ZNF17: variants seen among roughly 807,000 people sequenced by gnomAD.
The protein encoded by ZNF17 is zinc finger protein 17.
ZNF17 carries 4 observed loss-of-function variants against 7.7 expected under a neutral mutation model. That is an observed-to-expected ratio of 0.52 (90% CI 0.26 to 1.20). The LOEUF (loss-of-function observed/expected upper bound fraction) is 1.20, where lower values mean the gene tolerates loss of function less well. Ranked by LOEUF, ZNF17 falls within the 50% of genes most tolerant of loss-of-function variation. The pLI is 0.14. For synonymous variants in ZNF17, 249 were observed against 258.8 expected (o/e 0.96, Z 0.36); for missense variants, 738 against 799.5 (o/e 0.92, Z 0.93).
chr19:57,415,495 G>C (rs371664946), intron 2 of ZNF17, among the ~76,000 whole-genome samples: 1 of 152,092 alleles, frequency 6.6e-6, no homozygotes, highest in Non-Finnish European at 1.5e-5. Context: ...GATAGCCAGC[G>C]TGTACACCAT....
rs762777224 is a variant in ZNF17 at position 57,411,356 on chromosome 19, C to G, written c.-71C>G. ...GTCCAGGTCACTGCCGCTCCCGCCC[C>G]GCTCTTCCCTGGCTGTGCTGGCGGA... is the stretch of plus-strand genomic sequence containing the variant. On this transcript the variant is annotated 5_prime_UTR_variant, in exon 1 of 4. Coordinates refer to ENST00000307658, the MANE Select transcript of ZNF17 (RefSeq NM_001330617.2). 11 of 1,611,298 alleles carry G rather than the reference C, an allele frequency of 6.8e-6. No individual in the cohort carries two copies. Among genetic ancestry groups the G allele is most frequent in the Non-Finnish European group, 9.3e-6 (11 of 1,178,750 alleles).
intron 1 of ZNF17, among the ~76,000 whole-genome samples, chr19:57,412,008 G>A (rs1339536936): frequency 6.6e-6 from 1 of 152,222 alleles, no homozygotes; most frequent in Non-Finnish European, 1.5e-5. Context: ...GCAGGTTTCA[G>A]AGAGGATTAT....
chr19:57,411,518 T>C, intron 1 of ZNF17, 112 bp downstream of exon 1: 1 of 1,497,374 alleles, frequency 6.7e-7, no homozygotes, highest in South Asian at 1.3e-5. Context: ...AGCGTTCTTG[T>C]GTGGGGTACC....
Position 57,420,266 on chromosome 19 carries a change from A to C in ZNF17, c.780A>C (p.Lys260Asn). The C allele has an allele frequency of 6.2e-7, 1 of 1,614,116 alleles. No individual in the cohort carries two copies. Among genetic ancestry groups the C allele is most frequent in the Non-Finnish European group, 8.5e-7 (1 of 1,180,012 alleles). Residue 260 changes from lysine to asparagine, a missense_variant, in exon 4 of 4, where the codon AAA becomes AAC. By Grantham distance (94) the Lys-to-Asn change is moderately conservative. Transcript: ENST00000307658. ...CSECGKAFSL[K>N]YNVVQHQKIH... ...AATGTGGAAAAGCCTTCAGCCTCAA[A>C]TACAATGTTGTTCAACACCAGAAAA...
In ZNF17 at chr19:57,420,292, T is replaced by C. The variant is rs1232061956; in HGVS notation, c.806T>C (p.Ile269Thr). The part of the protein sequence containing the change: ...LKYNVVQHQK[I>T]HTGERPYECS... The stretch of plus-strand genomic sequence containing the variant: ...TACAATGTTGTTCAACACCAGAAAA[T>C]TCACACTGGAGAAAGGCCTTATGAG... The change falls in exon 4 of 4, where the codon ATT becomes ACT. Residue 269 changes from isoleucine (I) to threonine (T), a missense_variant. Around this residue, in one of 3 missense-constraint regions of ZNF17, gnomAD observed 616 missense variants for 663.9 expected, o/e 0.93. Coordinates refer to ENST00000307658, the MANE Select transcript of ZNF17 (RefSeq NM_001330617.2). 6.2e-7 allele frequency: 1 copy of C among 1,614,078 alleles called. No individual in the cohort carries two copies.
rs1318064854 is a variant in ZNF17, at chr19:57,421,057, G to A, written c.1571G>A (p.Gly524Asp). 1 of 1,614,210 alleles carries A rather than the reference G, an allele frequency of 6.2e-7. No homozygotes were observed. The highest frequency in any genetic ancestry group is 1.6e-4 in the Middle Eastern group (1 of 6,062). ...TLDTHQRIHT[G>D]ERPYECSECG... Reference sequence around the variant, plus strand: ...GATACACATCAGAGAATTCACACTGGTGAAAGGCCTTATGAGTGTAGTGAA... The same window carrying A: ...GATACACATCAGAGAATTCACACTGATGAAAGGCCTTATGAGTGTAGTGAA... The change falls in exon 4 of 4, where the codon GGT becomes GAT. Residue 524 changes from glycine (G) to aspartate (D), a missense_variant. By Grantham distance (94) the Gly-to-Asp change is moderately conservative (BLOSUM62 -1). Around this residue, in one of 3 missense-constraint regions of ZNF17, gnomAD observed 616 missense variants for 663.9 expected, o/e 0.93. Transcript: ENST00000307658.
intron 2 of ZNF17, among the ~76,000 whole-genome samples, chr19:57,416,010 C>T (rs532025665): frequency 3.3e-5 from 5 of 151,926 alleles, no homozygotes; most frequent in Admixed American, 1.3e-4. Flanking sequence ...TAGAGAAAGT[C>T]GTGACTGCTT....
intron 1 of ZNF17, 100 bp downstream of exon 1, chr19:57,411,506 G>A: frequency 6.6e-7 from 1 of 1,519,884 alleles, no homozygotes; most frequent in Non-Finnish European, 8.8e-7. Context: ...CCCAAAGAGA[G>A]GAGCGTTCTT....
At position 57,411,249 on chromosome 19, in the gene ZNF17, C is replaced by G; in HGVS notation, c.-178C>G. The G allele has an allele frequency of 8.2e-7, 1 of 1,224,518 alleles. No individual in the cohort carries two copies. The highest frequency in any genetic ancestry group is 1.1e-6 in the Non-Finnish European group (1 of 893,256). The allele number at this position is 1,224,518 out of a possible 1,614,324, so 75.9% of individuals were successfully genotyped here. On this transcript the variant is annotated 5_prime_UTR_variant, in exon 1 of 4. Transcript: ENST00000307658. ...AGACTGAGGTGAAAAAGCGGAAAAA[C>G]GCGAGAAAAGGTTTCCCCGTTGTAC...
At chr19:57,411,982 G>A (rs2088780077) in intron 1 of ZNF17, among the ~76,000 whole-genome samples, 1 of 152,210 alleles carries the variant, frequency 6.6e-6, no homozygotes, top group African/African-American at 2.4e-5. Context: ...TGGAGTTGGA[G>A]AAGTCAGCTT....
rs75837383 is a variant in ZNF17, at chr19:57,421,102, A to G, written c.1616A>G (p.His539Arg). 1 of 1,614,096 alleles carries G rather than the reference A, an allele frequency of 6.2e-7. No individual in the cohort carries two copies. Among genetic ancestry groups the G allele is most frequent in the African/African-American group, 1.3e-5 (1 of 75,078 alleles). Residue 539 changes from histidine (H) to arginine (R), a missense_variant, in exon 4 of 4, where the codon CAC becomes CGC. Around this residue, in one of 3 missense-constraint regions of ZNF17, gnomAD observed 616 missense variants for 663.9 expected, o/e 0.93. Transcript: ENST00000307658. ...AGTGAATGTGGGAAATTCTTTAGGC[A>G]CAACTCAAATCATATTAGACATCGG... The part of the protein sequence containing the change: ...ECSECGKFFR[H>R]NSNHIRHRRN...
At chr19:57,418,876 G>A (rs1399218833) in intron 3 of ZNF17, among the ~76,000 whole-genome samples, 7 of 110,624 alleles carry the variant, frequency 6.3e-5, no homozygotes, top group African/African-American at 3.1e-4. Flanking sequence ...ACCTGTTCCC[G>A]TTTTTTGTTT....
intron 2 of ZNF17, among the ~76,000 whole-genome samples, chr19:57,414,959 C>T (rs991734307): frequency 6.6e-6 from 1 of 152,158 alleles, no homozygotes; most frequent in African/African-American, 2.4e-5. Flanking sequence ...ATCTGCCCGC[C>T]TCAGCCTCCC....
rs1345780804 is a variant in ZNF17, at chr19:57,420,204, C to T, written c.718C>T (p.Arg240Ter). The change falls in exon 4 of 4, where the codon CGA (arginine) becomes TGA (stop). Residue 240 changes from arginine to a stop codon, truncating the protein, a stop_gained. Coordinates refer to ENST00000307658, the MANE Select transcript of ZNF17 (RefSeq NM_001330617.2). LOFTEE classifies it low-confidence loss of function (END_TRUNC). ...RYNSDLIKHQ[R>*]NHTGERPYKC... is the part of the protein sequence containing the mutation. The stretch of plus-strand genomic sequence containing the variant: ...CAACTCCGACCTTATTAAACATCAG[C>T]GAAATCATACTGGAGAAAGGCCTTA... The T allele has an allele frequency of 1.2e-6, 2 of 1,612,900 alleles. No homozygotes were observed. Among genetic ancestry groups the T allele is most frequent in the Non-Finnish European group, 1.7e-6 (2 of 1,179,082 alleles).
At chr19:57,412,069 C>T (rs1367341026) in intron 1 of ZNF17, among the ~76,000 whole-genome samples, 1 of 152,092 alleles carries the variant, frequency 6.6e-6, no homozygotes, top group East Asian at 1.9e-4. Flanking sequence ...TGGGTGGGTC[C>T]ATAAGCCTGA....
At position 57,421,873 on chromosome 19, in the gene ZNF17, C is replaced by G. The variant is rs2088854479; in HGVS notation, c.*392C>G. On this transcript the variant is annotated 3_prime_UTR_variant, in exon 4 of 4. Coordinates refer to ENST00000307658, the MANE Select transcript of ZNF17 (RefSeq NM_001330617.2). ...TATTTTTAAGGTTTCATGTTCTAAT[C>G]CATTAGAATTTCCATCCTTTTTAAA... 1 of 160,098 alleles carries G rather than the reference C, an allele frequency of 6.2e-6. No homozygotes were observed. The highest frequency in any genetic ancestry group is 1.4e-5 in the Non-Finnish European group (1 of 73,622). The allele number at this position is 160,098 out of a possible 1,614,324, so 9.9% of individuals were successfully genotyped here. A position where few individuals can be genotyped will look rare whatever the true frequency, so the allele number is the denominator to read the frequency against.
chr19:57,418,201 A>G lies in ZNF17; in HGVS notation c.148+163A>G, dbSNP rs371792470. The stretch of plus-strand genomic sequence containing the variant: ...CAGCTGGGCTGTGTGATCTGTATCA[A>G]TTTTCCTTAAGAAGCTTAGCTCTTG... On this transcript the variant is annotated intron_variant, in intron 3 of 3. Transcript: ENST00000307658. Among the ~76,000 whole-genome samples, 73 of 152,170 alleles carry G rather than the reference A, an allele frequency of 4.8e-4. 1 individual carries two copies. In the East Asian group the frequency reaches 0.011, roughly 23 times the overall value.
At chr19:57,415,920 T>C (rs2088808707) in intron 2 of ZNF17, among the ~76,000 whole-genome samples, 1 of 152,042 alleles carries the variant, frequency 6.6e-6, no homozygotes, top group Non-Finnish European at 1.5e-5. Context: ...GATGGGATCA[T>C]CTAGAAGCAT....
intron 2 of ZNF17, among the ~76,000 whole-genome samples, chr19:57,417,505 A>G (rs960796522): frequency 2.0e-5 from 3 of 152,180 alleles, no homozygotes; most frequent in Admixed American, 1.3e-4. Flanking sequence ...TTGGTCCTCT[A>G]ATTCTTAGAT....
Sources: gnomAD v4.1 joint callset for allele counts (sites outside exome capture counted in the v4.1 genomes callset) on GRCh38, gnomAD v4.1.1 for gene constraint, gnomAD v4.1.1 regional missense constraint, MANE v1.5 for transcripts, NCBI Gene and HGNC (gene_info 2026-07-23, HGNC 2026-07-21) for gene names.